Variants in MPP2 observed in about 807,000 individuals in gnomAD.
MPP2 encodes the protein MAGUK p55 subfamily member 2.
A neutral mutation model predicts 58.5 loss-of-function variants in MPP2; 42 were observed. That is an observed-to-expected ratio of 0.72 (90% CI 0.56 to 0.93). The LOEUF (loss-of-function observed/expected upper bound fraction) is 0.93, where lower values mean the gene tolerates loss of function less well. Among genes scored for constraint, MPP2 ranks in the 40% least tolerant of loss-of-function variants. The pLI, the probability that MPP2 is intolerant of heterozygous loss-of-function variation, is 0.00. For missense variants in MPP2, 632 were observed against 760.4 expected, an observed-to-expected ratio of 0.83 and a Z score of 1.99; for synonymous variants, 300 against 307.8, an observed-to-expected ratio of 0.97 and a Z score of 0.26.
At chr17:43,901,702 G>T in intron 2 of MPP2, 1 of 576,084 alleles carries the variant, frequency 1.7e-6, no homozygotes, top group Non-Finnish European at 2.2e-6. Context: ...GAGGGAATCT[G>T]GTGACAGGGG....
chr17:43,900,596 G>A (rs765369282), intron 2 of MPP2: 8 of 1,490,930 alleles, frequency 5.4e-6, no homozygotes, highest in East Asian at 5.0e-5. Context: ...CCTACACGCC[G>A]CCGTCTACCG....
chr17:43,879,541 G>T lies in MPP2; in HGVS notation c.1354-138C>A. ...AAGGGTGCCCGGGGGTCTGGGACAT[G>T]AGTCCTGGGACAAATGACAAACAGC... On this transcript the variant is annotated intron_variant, in intron 11 of 12. Transcript: ENST00000269095. This position sits in a 1 kb window ranked among gnomAD's most constrained non-coding sequence, Gnocchi z 4.1. 1 of 1,137,096 alleles carries T rather than the reference G, an allele frequency of 8.8e-7. No homozygotes were observed. The highest frequency in any genetic ancestry group is 1.5e-5 in the African/African-American group (1 of 64,866). 70.4% of individuals were successfully genotyped at this position (1,137,096 alleles called of 1,614,324 possible). A position where few individuals can be genotyped will look rare whatever the true frequency, so the allele number is the denominator to read the frequency against.
intron 12 of MPP2, 149 bp from the exon 13 acceptor site, chr17:43,878,132 G>A (rs561250639): frequency 1.4e-5 from 10 of 701,392 alleles, no homozygotes; most frequent in South Asian, 1.2e-4. Flanking sequence ...CCCTCTCTGC[G>A]TGCCTCAAAG....
chr17:43,882,459 T>C lies in MPP2; in HGVS notation c.506A>G (p.His169Arg), dbSNP rs2047176401. 6.2e-7 allele frequency: 1 copy of C among 1,608,266 alleles called. No individual in the cohort carries two copies. ...GCCTTGTTGAGCCACCATGCCCCCA[T>C]GCAGAATGCGCGCGATCACCAGCTC... ...GGELVIARIL[H>R]GGMVAQQGLL... is the part of the protein sequence containing the mutation. The change falls in exon 6 of 13, where the codon CAT becomes CGT. Residue 169 changes from histidine (H) to arginine (R), a missense_variant. Coordinates refer to ENST00000269095, the MANE Select transcript of MPP2 (RefSeq NM_005374.5).
At position 43,877,096 on chromosome 17, in the gene MPP2, A is replaced by G. The variant is rs1038058652; in HGVS notation, c.*711T>C. On this transcript the variant is annotated 3_prime_UTR_variant, in exon 13 of 13. Transcript: ENST00000269095. ...CTGTGGGGAGCAGGGCTGACCTGTC[A>G]GGACACATTGGAGAAATCTGGAGAA... 1 of 153,018 alleles carries G rather than the reference A, an allele frequency of 6.5e-6. No homozygotes were observed. Among genetic ancestry groups the G allele is most frequent in the African/African-American group, 2.4e-5 (1 of 41,476 alleles). The allele number at this position is 153,018 out of a possible 1,614,324, so 9.5% of individuals were successfully genotyped here.
In MPP2 at chr17:43,880,607, G is replaced by T; in HGVS notation, c.1150+84C>A. 9.6e-6 allele frequency: 14 copies of T among 1,457,658 alleles called. No individual in the cohort carries two copies. The highest frequency in any genetic ancestry group is 1.3e-5 in the Non-Finnish European group (14 of 1,088,076). 90.3% of individuals were successfully genotyped at this position (1,457,658 alleles called of 1,614,324 possible). ...TACCACCTGGCCTGGTGCCCATGAA[G>T]ATGCCCATTCGGTGGGCCCAGCCCT... On this transcript the variant is annotated intron_variant, in intron 10 of 12. Coordinates refer to ENST00000269095, the MANE Select transcript of MPP2 (RefSeq NM_005374.5). This position sits in a 1 kb window ranked among gnomAD's most constrained non-coding sequence, Gnocchi z 5.2.
chr17:43,893,010 GGATGGATGGATGGATGGAT>G (rs1321685681), intron 3 of MPP2, among the ~76,000 whole-genome samples: 2 of 147,376 alleles, frequency 1.4e-5, no homozygotes, highest in South Asian at 4.2e-4. Context: ...ATGGATGGAT[GGATGGATGGATGGATGGAT>G]GGATGGACAA....
In MPP2 at chr17:43,883,507, C is replaced by T. The variant is rs1238693740; in HGVS notation, c.151-152G>A. The T allele has an allele frequency of 2.4e-5, 18 of 757,214 alleles. No individual in the cohort carries two copies. The East Asian group carries it at 2.4e-4, about 10-fold the overall frequency. 46.9% of individuals were successfully genotyped at this position (757,214 alleles called of 1,614,324 possible). A position where few individuals can be genotyped will look rare whatever the true frequency, so the allele number is the denominator to read the frequency against. ...TCACTCACTGACAATCATACCCACA[C>T]GTGCACATGCATTCCTTGCTGTCTC... On this transcript the variant is annotated intron_variant, in intron 3 of 12. Coordinates refer to ENST00000269095, the MANE Select transcript of MPP2 (RefSeq NM_005374.5).
intron 3 of MPP2, among the ~76,000 whole-genome samples, chr17:43,895,719 C>T (rs1434512579): frequency 6.6e-6 from 1 of 152,178 alleles, no homozygotes; most frequent in Non-Finnish European, 1.5e-5. Flanking sequence ...ATGAACTGCA[C>T]TTGAGCTTCT....
chr17:43,879,527 G>A lies in MPP2; in HGVS notation c.1354-124C>T. 7.8e-7 allele frequency: 1 copy of A among 1,274,284 alleles called. No homozygotes were observed. Among genetic ancestry groups the A allele is most frequent in the Non-Finnish European group, 1.1e-6 (1 of 901,244 alleles). The allele number at this position is 1,274,284 out of a possible 1,614,324, so 78.9% of individuals were successfully genotyped here. On this transcript the variant is annotated intron_variant, in intron 11 of 12. Coordinates refer to ENST00000269095, the MANE Select transcript of MPP2 (RefSeq NM_005374.5). This position sits in a 1 kb window ranked among gnomAD's most constrained non-coding sequence, Gnocchi z 4.1. ...GGAGTGGATGAGAAAAGGGTGCCCG[G>A]GGGTCTGGGACATGAGTCCTGGGAC...
chr17:43,883,088 A>T, intron 4 of MPP2, 36 bp from the exon 5 acceptor site: 14 of 1,587,690 alleles, frequency 8.8e-6, no homozygotes, highest in Non-Finnish European at 1.2e-5. Flanking sequence ...ACAATGGGGC[A>T]GTGTCCCGGG....
chr17:43,881,331 C>A lies in MPP2; in HGVS notation c.832G>T (p.Gly278Cys). 1.2e-6 allele frequency: 2 copies of A among 1,614,084 alleles called. No homozygotes were observed. The highest frequency in any genetic ancestry group is 1.7e-6 in the Non-Finnish European group (2 of 1,180,014). Residue 278 changes from glycine to cysteine, a missense_variant, in exon 8 of 13, where the codon GGC (glycine) becomes TGC (cysteine). Physicochemically the swap from Gly to Cys is radical, Grantham distance 159. Coordinates refer to ENST00000269095, the MANE Select transcript of MPP2 (RefSeq NM_005374.5). ...NWWQACHVEG[G>C]SAGLIPSQLL... ...TGGCTGGGAATGAGCCCAGCACTGC[C>A]CCCTTCGACATGGCATGCCTAAAAC...
chr17:43,883,329 C>G lies in MPP2; in HGVS notation c.177G>C (p.Lys59Asn), dbSNP rs1455341609. Residue 59 changes from lysine to asparagine, a missense_variant, in exon 4 of 13, where the codon AAG becomes AAC. Transcript: ENST00000269095. The stretch of plus-strand genomic sequence containing the variant: ...GGTTGTTGTCTCTCACGGCCTCCAG[C>G]TTCGTCTCCTCCAGCCTCTCATGGG... ...AKAHERLEET[K>N]LEAVRDNNLE... 6.2e-7 allele frequency: 1 copy of G among 1,612,470 alleles called. No individual in the cohort carries two copies. The highest frequency in any genetic ancestry group is 8.5e-7 in the Non-Finnish European group (1 of 1,179,924).
intron 2 of MPP2, among the ~76,000 whole-genome samples, chr17:43,904,043 T>G (rs2048197360): frequency 6.6e-6 from 1 of 152,172 alleles, no homozygotes; most frequent in African/African-American, 2.4e-5. Context: ...CAGGCTGTGC[T>G]GCTGTAATCC....
In MPP2 at chr17:43,879,934, A is replaced by T; in HGVS notation, c.1201T>A (p.Phe401Ile). The stretch of plus-strand genomic sequence containing the variant: ...GCCTCCATCTCCCCACGGGACACAA[A>T]GCTGTAACCCTGACCTTCCCGCTCT... ...DSEREGQGYS[F>I]VSRGEMEADV... Residue 401 changes from phenylalanine (F) to isoleucine (I), a missense_variant, in exon 11 of 13, where the codon TTT becomes ATT. Phe to Ile is a conservative substitution (Grantham distance 21). Transcript: ENST00000269095. This position sits in a 1 kb window ranked among gnomAD's most constrained non-coding sequence, Gnocchi z 4.1. The T allele has an allele frequency of 6.2e-7, 1 of 1,614,028 alleles. No homozygotes were observed. Among genetic ancestry groups the T allele is most frequent in the Non-Finnish European group, 8.5e-7 (1 of 1,179,988 alleles).
In MPP2 at chr17:43,883,016, T is replaced by A. The variant is rs1352734923; in HGVS notation, c.340A>T (p.Thr114Ser). 1.2e-6 allele frequency: 2 copies of A among 1,613,460 alleles called. No homozygotes were observed. Among genetic ancestry groups the A allele is most frequent in the African/African-American group, 2.7e-5 (2 of 74,754 alleles). Reference sequence around the variant, plus strand: ...GGGCTGGGGGGTGGTGTCTCATAGGTCTTTGAGGCCACAGAGTCGTGCGTC... The same window carrying A: ...GGGCTGGGGGGTGGTGTCTCATAGGACTTTGAGGCCACAGAGTCGTGCGTC... ...LETHDSVASK[T>S]YETPPPSPGL... The change falls in exon 5 of 13, where the codon ACC (threonine) becomes TCC (serine). Residue 114 changes from threonine to serine, a missense_variant. By Grantham distance (58) the Thr-to-Ser change is moderately conservative. Coordinates refer to ENST00000269095, the MANE Select transcript of MPP2 (RefSeq NM_005374.5).
Position 43,877,995 on chromosome 17 carries a change from C to G in MPP2, c.1483-12G>C, listed in dbSNP as rs759143107. ...CTCAGGTCCGCCTCCTGCCCAGGCA[C>G]AAGGGGACCTCCCTACAGTCAGTGC... On this transcript the variant is annotated splice_polypyrimidine_tract_variant and intron_variant, in intron 12 of 12. Coordinates refer to ENST00000269095, the MANE Select transcript of MPP2 (RefSeq NM_005374.5). 6.8e-6 allele frequency: 11 copies of G among 1,608,812 alleles called. No homozygotes were observed. The African/African-American group carries it at 1.3e-4, about 20-fold the overall frequency.
intron 2 of MPP2, among the ~76,000 whole-genome samples, chr17:43,899,609 G>T (rs1424891589): frequency 6.6e-6 from 1 of 152,186 alleles, no homozygotes; most frequent in Admixed American, 6.5e-5. Context: ...ATGATAGGAA[G>T]TCAAAGCTGA....
In MPP2 at chr17:43,879,818, A is replaced by C. The variant is rs1022374951; in HGVS notation, c.1317T>G (p.Ala439=). Residue 439 remains alanine, a synonymous_variant, in exon 11 of 13, where the codon GCT becomes GCG. Coordinates refer to ENST00000269095, the MANE Select transcript of MPP2 (RefSeq NM_005374.5). This position sits in a 1 kb window ranked among gnomAD's most constrained non-coding sequence, Gnocchi z 4.1. ...TRIDSIRGVV[A]AGKVCVLDVN... ...CATCCAGCACGCACACCTTCCCAGCAGCGACCACGCCCCGGATGGAGTCAA... is the reference window on the plus strand; with the variant it reads ...CATCCAGCACGCACACCTTCCCAGCCGCGACCACGCCCCGGATGGAGTCAA... 3 of 1,613,896 alleles carry C rather than the reference A, an allele frequency of 1.9e-6. No individual in the cohort carries two copies. The African/African-American group carries it at 4.0e-5, about 22-fold the overall frequency.
Sources: gnomAD v4.1 joint callset for allele counts (sites outside exome capture counted in the v4.1 genomes callset) on GRCh38, gnomAD v4.1.1 for gene constraint, Gnocchi (gnomAD v3.1) non-coding constraint, MANE v1.5 for transcripts, NCBI Gene and HGNC (gene_info 2026-07-23, HGNC 2026-07-21) for gene names.